The following NEXN variants were observed in gnomAD, a reference collection of about 807,000 sequenced individuals.
The protein encoded by NEXN is nexilin F-actin binding protein, also known as nexilin.
A neutral mutation model predicts 92.6 loss-of-function variants in NEXN; 65 were observed. The observed-to-expected ratio is 0.70, with a 90% CI of 0.57 to 0.86. NEXN has a LOEUF of 0.86. Ranked by LOEUF, NEXN falls within the 40% of genes least tolerant of loss-of-function variation. The pLI is 0.00. For missense variants in NEXN, 778 were observed against 771.1 expected (o/e 1.01, Z -0.11); for synonymous variants, 254 against 242.5 (o/e 1.05, Z -0.44).
At chr1:77,904,961 G>A (rs111936082) in intron 1 of NEXN, among the ~76,000 whole-genome samples, 4 of 152,130 alleles carry the variant, frequency 2.6e-5, no homozygotes, top group African/African-American at 9.7e-5. Context: ...TGGCATAGTA[G>A]ATGCTTAATA....
At chr1:77,941,850 T>C (rs1651340652) in intron 11 of NEXN, 173 bp from the exon 12 acceptor site, 1 of 622,196 alleles carries the variant, frequency 1.6e-6, no homozygotes, top group South Asian at 1.9e-5. Context: ...TAAATGTATC[T>C]ATCACTTTTC....
intron 10 of NEXN, among the ~76,000 whole-genome samples, chr1:77,934,880 ATTAAC>A (rs1184242921): frequency 4.6e-5 from 7 of 152,234 alleles, no homozygotes; most frequent in African/African-American, 7.2e-5. Context: ...ATACTTAATT[ATTAAC>A]TTGAGTATTA....
At chr1:77,941,954 T>G (rs1290636683) in intron 11 of NEXN, 69 bp from the exon 12 acceptor site, 8 of 1,477,094 alleles carry the variant, frequency 5.4e-6, no homozygotes, top group African/African-American at 1.4e-5. Context: ...CTAAACACCT[T>G]TAGAACTAGT....
At chr1:77,925,961 G>T (rs1036372395) in intron 6 of NEXN, among the ~76,000 whole-genome samples, 1 of 151,910 alleles carries the variant, frequency 6.6e-6, no homozygotes, top group African/African-American at 2.4e-5. Context: ...GAAATACTGT[G>T]TTTTTTTCTC....
intron 1 of NEXN, among the ~76,000 whole-genome samples, chr1:77,915,296 C>T (rs897874191): frequency 1.3e-5 from 2 of 151,782 alleles, no homozygotes; most frequent in African/African-American, 4.8e-5. Context: ...CTGGGTGACA[C>T]AGCGAGATGC....
intron 1 of NEXN, among the ~76,000 whole-genome samples, chr1:77,905,034 T>G (rs1222218245): frequency 6.6e-6 from 1 of 151,978 alleles, no homozygotes; most frequent in Non-Finnish European, 1.5e-5. Flanking sequence ...GAGGCCAAGG[T>G]GGGCGGATCA....
Position 77,942,899 on chromosome 1 carries a change from G to C in NEXN, c.*70G>C. ...ATCACTTTTCTTCTTCTCTTTTTTA[G>C]CTGATGACTACTAGCTCCCCTCCCC... On this transcript the variant is annotated 3_prime_UTR_variant, in exon 13 of 13. Coordinates refer to ENST00000334785, the MANE Select transcript of NEXN (RefSeq NM_144573.4). 2 of 1,506,230 alleles carry C rather than the reference G, an allele frequency of 1.3e-6. No homozygotes were observed. The highest frequency in any genetic ancestry group is 1.8e-6 in the Non-Finnish European group (2 of 1,109,798). 93.3% of individuals were successfully genotyped at this position (1,506,230 alleles called of 1,614,324 possible). A position where few individuals can be genotyped will look rare whatever the true frequency, so the allele number is the denominator to read the frequency against.
chr1:77,938,191 G>A (rs147439095), intron 11 of NEXN, among the ~76,000 whole-genome samples: 2 of 152,326 alleles, frequency 1.3e-5, no homozygotes, highest in African/African-American at 4.8e-5. Context: ...CTAAGCTTGT[G>A]TGACATACAA....
intron 1 of NEXN, among the ~76,000 whole-genome samples, chr1:77,909,013 T>C (rs1011764890): frequency 2.0e-5 from 3 of 152,186 alleles, no homozygotes; most frequent in African/African-American, 7.2e-5. Context: ...GAAAGCAACA[T>C]TCATAAATCT....
intron 5 of NEXN, among the ~76,000 whole-genome samples, chr1:77,923,077 T>A (rs939419162): frequency 2.3e-5 from 3 of 133,282 alleles, no homozygotes; most frequent in Non-Finnish European, 4.7e-5. Context: ...CACTGCAACC[T>A]CCACCTCCCA....
Position 77,925,212 on chromosome 1 carries a change from A to G in NEXN, c.472A>G (p.Thr158Ala). The G allele has an allele frequency of 6.3e-7, 1 of 1,598,482 alleles. No individual in the cohort carries two copies. The highest frequency in any genetic ancestry group is 8.6e-7 in the Non-Finnish European group (1 of 1,167,232). ...EQIEDINNTG[T>A]ESASEEGDDS... ...GATTGAGGACATAAACAATACGGGA[A>G]CTGAATCAGCATCAGAGGTAAACAG... Residue 158 changes from threonine to alanine, a missense_variant, in exon 6 of 13, where the codon ACT (threonine) becomes GCT (alanine). Coordinates refer to ENST00000334785, the MANE Select transcript of NEXN (RefSeq NM_144573.4).
chr1:77,917,781 C>T (rs377018083), intron 3 of NEXN, 24 bp downstream of exon 3: 21 of 1,574,862 alleles, frequency 1.3e-5, no homozygotes, highest in Non-Finnish European at 1.7e-5. Context: ...ACTTTATTCT[C>T]GTGAAAATAT....
In NEXN at chr1:77,943,204, A is replaced by G. The variant is rs968525692; in HGVS notation, c.*375A>G. 1 of 236,964 alleles carries G rather than the reference A, an allele frequency of 4.2e-6. No individual in the cohort carries two copies. Among genetic ancestry groups the G allele is most frequent in the African/African-American group, 2.3e-5 (1 of 43,492 alleles). The allele number at this position is 236,964 out of a possible 1,614,324, so 14.7% of individuals were successfully genotyped here. A position where few individuals can be genotyped will look rare whatever the true frequency, so the allele number is the denominator to read the frequency against. On this transcript the variant is annotated 3_prime_UTR_variant, in exon 13 of 13. Coordinates refer to ENST00000334785, the MANE Select transcript of NEXN (RefSeq NM_144573.4). ...ATTATAAAGACTGTATTTCCCATAGACGTTTACAGCAACTATGTTTAAAAA... is the reference window on the plus strand; with the variant it reads ...ATTATAAAGACTGTATTTCCCATAGGCGTTTACAGCAACTATGTTTAAAAA...
chr1:77,942,572 A>G lies in NEXN; in HGVS notation c.1771A>G (p.Thr591Ala), dbSNP rs369019618. 3.2e-5 allele frequency: 52 copies of G among 1,613,722 alleles called. No individual in the cohort carries two copies. The highest frequency in any genetic ancestry group is 3.6e-5 in the Non-Finnish European group (42 of 1,179,756). Residue 591 changes from threonine (T) to alanine (A), a missense_variant, in exon 13 of 13, where the codon ACA becomes GCA. Thr to Ala is a moderately conservative substitution (Grantham distance 58). Coordinates refer to ENST00000334785, the MANE Select transcript of NEXN (RefSeq NM_144573.4). ...ATGGTTCAAGAAGCCTCTTAAAAACACATCAGTTGTAGACAGTGAGCCAGT... is the reference window on the plus strand; with the variant it reads ...ATGGTTCAAGAAGCCTCTTAAAAACGCATCAGTTGTAGACAGTGAGCCAGT... ...APWFKKPLKN[T>A]SVVDSEPVRF...
At chr1:77,890,550 T>C (rs1647082461) in intron 1 of NEXN, among the ~76,000 whole-genome samples, 1 of 152,198 alleles carries the variant, frequency 6.6e-6, no homozygotes, top group African/African-American at 2.4e-5. Context: ...ATCTAGGTTT[T>C]TGAACAGTCT....
chr1:77,922,578 A>G (rs968148890), intron 5 of NEXN, among the ~76,000 whole-genome samples: 2 of 151,682 alleles, frequency 1.3e-5, no homozygotes, highest in Admixed American at 6.6e-5. Flanking sequence ...TAAATAAAAT[A>G]TTTTACAGTA....
intron 9 of NEXN, among the ~76,000 whole-genome samples, chr1:77,930,863 T>G (rs1650230714): frequency 6.6e-6 from 1 of 152,214 alleles, no homozygotes; most frequent in African/African-American, 2.4e-5. Flanking sequence ...ATAGCGCTAA[T>G]CCTGTATTGT....
chr1:77,923,802 C>A (rs1557979431), intron 5 of NEXN, among the ~76,000 whole-genome samples: 1 of 151,260 alleles, frequency 6.6e-6, no homozygotes, highest in Non-Finnish European at 1.5e-5. Context: ...ACCAGCCTCC[C>A]GAGTAGCTGG....
chr1:77,935,785 A>G (rs1421055456), intron 10 of NEXN, 38 bp from the exon 11 acceptor site: 1 of 1,579,022 alleles, frequency 6.3e-7, no homozygotes, highest in South Asian at 1.1e-5. Flanking sequence ...AGACTCTCTC[A>G]AAAACAGCAG....
Sources: allele counts gnomAD v4.1 joint callset (sites outside exome capture counted in the v4.1 genomes callset), GRCh38; gene constraint gnomAD v4.1.1; transcripts MANE v1.5; gene names NCBI Gene and HGNC (gene_info 2026-07-23, HGNC 2026-07-21).